The following SH3GL2 variants were observed in gnomAD, a reference collection of about 807,000 sequenced individuals.
SH3GL2 encodes endophilin-A1.
A neutral mutation model predicts 46.0 loss-of-function variants in SH3GL2; 24 were observed. The observed-to-expected ratio is 0.52, with a 90% CI of 0.38 to 0.73. SH3GL2 has a LOEUF of 0.73. SH3GL2 is among the 30% of genes least tolerant of loss of function. The probability of loss-of-function intolerance (pLI) is 0.00; values close to 1 mark genes in which losing one functional copy is unlikely to be tolerated. For synonymous variants in SH3GL2, 196 were observed against 147.1 expected (o/e 1.33, Z -2.40); for missense variants, 413 against 424.2 (o/e 0.97, Z 0.23).
intron 1 of SH3GL2, among the ~76,000 whole-genome samples, chr9:17,655,224 G>A (rs1235241135): frequency 1.3e-5 from 2 of 152,146 alleles, no homozygotes; most frequent in African/African-American, 2.4e-5. Flanking sequence ...AAATACCTAG[G>A]TGTTTCATTG....
intron 1 of SH3GL2, among the ~76,000 whole-genome samples, chr9:17,631,137 C>T (rs780021378): frequency 1.3e-5 from 2 of 152,094 alleles, no homozygotes; most frequent in African/African-American, 2.4e-5. Flanking sequence ...GGAAAAAACC[C>T]GCAATTATTT....
intron 1 of SH3GL2, among the ~76,000 whole-genome samples, chr9:17,731,421 AAG>A (rs200219792): frequency 0.011 from 1,679 of 149,422 alleles, 36 homozygotes; most frequent in African/African-American, 0.038. Context: ...GGAGGTAGGG[AAG>A]AGAGAGAGAG....
intron 1 of SH3GL2, among the ~76,000 whole-genome samples, chr9:17,598,908 G>T (rs1287525720): frequency 6.6e-6 from 1 of 152,090 alleles, no homozygotes; most frequent in Non-Finnish European, 1.5e-5. Flanking sequence ...TTTGACACTG[G>T]CAGTCCATCC....
chr9:17,756,194 G>T (rs1205978074), intron 2 of SH3GL2, among the ~76,000 whole-genome samples: 1 of 151,912 alleles, frequency 6.6e-6, no homozygotes, highest in Non-Finnish European at 1.5e-5. Flanking sequence ...TAATTATTTT[G>T]TGCAGTAAAA....
intron 1 of SH3GL2, among the ~76,000 whole-genome samples, chr9:17,648,935 A>G (rs923899788): frequency 6.6e-6 from 1 of 152,256 alleles, no homozygotes; most frequent in African/African-American, 2.4e-5. Context: ...AAACCTAGAT[A>G]CAAAGAGCAC....
At chr9:17,594,191 C>G (rs563407903) in intron 1 of SH3GL2, among the ~76,000 whole-genome samples, 2 of 152,170 alleles carry the variant, frequency 1.3e-5, no homozygotes, top group Admixed American at 1.3e-4. Flanking sequence ...GTGTCCTGCT[C>G]AGTGATCTGC....
At chr9:17,694,915 G>A (rs3808707) in intron 1 of SH3GL2, among the ~76,000 whole-genome samples, 57,310 of 151,778 alleles carry the variant, frequency 0.38, 11,430 homozygotes, top group Admixed American at 0.54. Flanking sequence ...GGGAGGCAGT[G>A]GCACACTTAG....
At chr9:17,726,693 A>G (rs188824846) in intron 1 of SH3GL2, among the ~76,000 whole-genome samples, 1 of 152,192 alleles carries the variant, frequency 6.6e-6, no homozygotes. Context: ...GGAAGCAGAG[A>G]GGATCAATTA....
chr9:17,773,360 G>T (rs891474231), intron 3 of SH3GL2, among the ~76,000 whole-genome samples: 1 of 151,994 alleles, frequency 6.6e-6, no homozygotes, highest in Non-Finnish European at 1.5e-5. Flanking sequence ...TATGCCTTTG[G>T]TATCATATCC....
chr9:17,682,873 CT>C (rs1820809418), intron 1 of SH3GL2, among the ~76,000 whole-genome samples: 2 of 152,054 alleles, frequency 1.3e-5, no homozygotes, highest in African/African-American at 4.8e-5. Flanking sequence ...ACTCCGGAAG[CT>C]TTTGTATTAT....
intron 1 of SH3GL2, among the ~76,000 whole-genome samples, chr9:17,723,232 G>T (rs3808689): frequency 0.52 from 78,380 of 151,904 alleles, 20,838 homozygotes; most frequent in East Asian, 0.62. Context: ...ATATTAGTGT[G>T]CATGGAGCCT....
intron 1 of SH3GL2, among the ~76,000 whole-genome samples, chr9:17,724,761 T>G (rs1821981204): frequency 2.0e-5 from 3 of 152,168 alleles, no homozygotes; most frequent in South Asian, 4.1e-4. Context: ...TACTAATTAT[T>G]TGAAGAATAT....
At position 17,728,791 on chromosome 9, in the gene SH3GL2, C is replaced by T. The variant is rs879213840; in HGVS notation, c.46-18275C>T. On this transcript the variant is annotated intron_variant, in intron 1 of 8. Transcript: ENST00000380607. Reference sequence around the variant, plus strand: ...GTTTCCATCCTCATCCATGTCTCTGCAAAGGACATGAACTCATTATTTTTT... The same window carrying T: ...GTTTCCATCCTCATCCATGTCTCTGTAAAGGACATGAACTCATTATTTTTT... Among the ~76,000 whole-genome samples, 5 of 152,114 alleles carry T rather than the reference C, an allele frequency of 3.3e-5. 1 individual carries two copies. The highest frequency in any genetic ancestry group is 3.3e-4 in the Admixed American group (5 of 15,250).
intron 1 of SH3GL2, among the ~76,000 whole-genome samples, chr9:17,725,127 A>C (rs1222671550): frequency 1.3e-5 from 2 of 152,106 alleles, no homozygotes; most frequent in Admixed American, 6.5e-5. Context: ...AGAGTAGCTT[A>C]ATGTTCAGCA....
chr9:17,729,299 C>T (rs1277336655), intron 1 of SH3GL2, among the ~76,000 whole-genome samples: 1 of 141,690 alleles, frequency 7.1e-6, no homozygotes. Flanking sequence ...CCTTCGCCCA[C>T]TTTTTGATGG....
rs146119258 is a variant in SH3GL2 at position 17,668,883 on chromosome 9, C to A, written c.46-78183C>A. On this transcript the variant is annotated intron_variant, in intron 1 of 8. Transcript: ENST00000380607. ...ATGTTGCCTAGGCTGGTCTCAAACT[C>A]CTGGGCTCAAGCAGTACCCCTGCCT... is the stretch of plus-strand genomic sequence containing the variant. 2.8e-3 allele frequency among the ~76,000 whole-genome samples: 421 copies of A among 152,186 alleles called. 2 individuals are homozygous for A. Among genetic ancestry groups the A allele is most frequent in the African/African-American group, 7.8e-3 (323 of 41,524 alleles).
intron 1 of SH3GL2, among the ~76,000 whole-genome samples, chr9:17,610,873 A>G (rs1318543491): frequency 1.3e-5 from 2 of 152,160 alleles, no homozygotes; most frequent in African/African-American, 2.4e-5. Context: ...TGAATACTTT[A>G]TATTTAGTAA....
chr9:17,654,125 C>T (rs963045341), intron 1 of SH3GL2, among the ~76,000 whole-genome samples: 1 of 152,116 alleles, frequency 6.6e-6, no homozygotes, highest in Non-Finnish European at 1.5e-5. Context: ...GGCAAGAAAT[C>T]TGGAGTCAGA....
intron 1 of SH3GL2, among the ~76,000 whole-genome samples, chr9:17,685,481 A>C (rs1588238061): frequency 1.3e-5 from 2 of 152,090 alleles, no homozygotes; most frequent in Non-Finnish European, 2.9e-5. Flanking sequence ...ACTGGATACT[A>C]TTGCCTAGCC....
Sources: gnomAD v4.1 joint callset for allele counts (sites outside exome capture counted in the v4.1 genomes callset) on GRCh38, gnomAD v4.1.1 for gene constraint, MANE v1.5 for transcripts, NCBI Gene and HGNC (gene_info 2026-07-23, HGNC 2026-07-21) for gene names.